Variants in ABCA3 observed in about 807,000 individuals in gnomAD.
ABCA3 encodes the protein phospholipid-transporting ATPase ABCA3.
Under a neutral mutation model 172.8 loss-of-function variants are expected in ABCA3, and 88 were observed. That is an observed-to-expected ratio of 0.51 (90% CI 0.43 to 0.61). The LOEUF is 0.61. ABCA3 is among the 20% of genes least tolerant of loss of function. The probability of loss-of-function intolerance (pLI) is 0.00; values close to 1 mark genes in which losing one functional copy is unlikely to be tolerated. For synonymous variants in ABCA3, 1,066 were observed against 983.8 expected (o/e 1.08, Z -1.56); for missense variants, 2,164 against 2,301.0 (o/e 0.94, Z 1.22).
At chr16:2,318,827 C>A (rs1414569219) in intron 8 of ABCA3, among the ~76,000 whole-genome samples, 5 of 152,090 alleles carry the variant, frequency 3.3e-5, no homozygotes, top group Non-Finnish European at 7.4e-5. Flanking sequence ...CTTTCTTATG[C>A]ATAATTTCTG....
intron 10 of ABCA3, among the ~76,000 whole-genome samples, chr16:2,313,059 CA>C (rs1391585469): frequency 2.0e-5 from 3 of 151,128 alleles, no homozygotes; most frequent in Non-Finnish European, 4.4e-5. Flanking sequence ...TGTCTCAAAA[CA>C]AAAAAAATTT....
intron 1 of ABCA3, among the ~76,000 whole-genome samples, chr16:2,333,302 C>G (rs539916522): frequency 8.8e-4 from 134 of 152,256 alleles, no homozygotes; most frequent in African/African-American, 3.1e-3. Flanking sequence ...TCCACAAAGG[C>G]ATAGAGAAAT....
intron 12 of ABCA3, among the ~76,000 whole-genome samples, chr16:2,303,088 C>G (rs148073712): frequency 1.3e-5 from 2 of 152,014 alleles, no homozygotes; most frequent in African/African-American, 4.8e-5. Context: ...GGTGAGCCAC[C>G]ACACCCGGCC....
intron 19 of ABCA3, among the ~76,000 whole-genome samples, chr16:2,291,297 G>T (rs2093671584): frequency 6.6e-6 from 1 of 152,078 alleles, no homozygotes. Flanking sequence ...CTGCACTCCA[G>T]CCTGGGAGAC....
In ABCA3 at chr16:2,276,760, C is replaced by T. The variant is rs778684603; in HGVS notation, c.5029G>A (p.Asp1677Asn). 14 of 1,613,854 alleles carry T rather than the reference C, an allele frequency of 8.7e-6. No homozygotes were observed. Among genetic ancestry groups the T allele is most frequent in the African/African-American group, 6.7e-5 (5 of 74,924 alleles). ...AGCGAGATCTGGCTCACGGAGTAGT[C>T]GTCCACGCCGTACTTTTCCTTGGCT... ...EKAKEKYGVD[D>N]YSVSQISLEQ... The change falls in exon 33 of 33, where the codon GAC (aspartate) becomes AAC (asparagine). Residue 1677 changes from aspartate to asparagine, a missense_variant. Physicochemically the swap from Asp to Asn is conservative, Grantham distance 23. Around this residue, in one of 3 missense-constraint regions of ABCA3, gnomAD observed 795 missense variants for 881.9 expected, o/e 0.90. Coordinates refer to ENST00000301732, the MANE Select transcript of ABCA3 (RefSeq NM_001089.3).
intron 5 of ABCA3, 69 bp downstream of exon 5, chr16:2,325,941 C>T (rs548879713): frequency 1.5e-5 from 24 of 1,602,468 alleles, no homozygotes; most frequent in South Asian, 4.4e-5. Context: ...ATCCTGGGCT[C>T]GACCCCTGCC....
In ABCA3 at chr16:2,278,161, A is replaced by G; in HGVS notation, c.4719-92T>C. 6.3e-7 allele frequency: 1 copy of G among 1,598,628 alleles called. No homozygotes were observed. The highest frequency in any genetic ancestry group is 2.2e-5 in the East Asian group (1 of 44,716). On this transcript the variant is annotated intron_variant, in intron 30 of 32. Transcript: ENST00000301732. The surrounding 1 kb of genome is among the most constrained non-coding windows in gnomAD (Gnocchi z 4.4). ...TGGCTCTCCGATCAGGCTGTTCCTGATACCCATGCTCAGTGTGGCTCACGG... is the reference window on the plus strand; with the variant it reads ...TGGCTCTCCGATCAGGCTGTTCCTGGTACCCATGCTCAGTGTGGCTCACGG...
At chr16:2,323,734 G>A (rs1484594534) in intron 6 of ABCA3, 46 bp from the exon 7 acceptor site, 1 of 1,612,180 alleles carries the variant, frequency 6.2e-7, no homozygotes, top group Non-Finnish European at 8.5e-7. Context: ...GATCCAGACA[G>A]AGGGGCAAAC....
chr16:2,324,466 C>A lies in ABCA3; in HGVS notation c.385G>T (p.Val129Leu). Reference protein sequence around the residue: ...YIRYDNCSSSVLAAVVFEHPF... With the variant: ...YIRYDNCSSSLLAAVVFEHPF... ...TGCTCGAAGACCACGGCGGCCAGCA[C>A]GCTGGACGAGCAGTTGTCGTACCTA... The change falls in exon 6 of 33, where the codon GTG becomes TTG. Residue 129 changes from valine (V) to leucine (L), a missense_variant. This residue lies in a region of ABCA3 where 1,343 missense variants were observed against 1,369.6 expected (regional missense o/e 0.98). Coordinates refer to ENST00000301732, the MANE Select transcript of ABCA3 (RefSeq NM_001089.3). 1 of 1,610,106 alleles carries A rather than the reference C, an allele frequency of 6.2e-7. No homozygotes were observed. Among genetic ancestry groups the A allele is most frequent in the Non-Finnish European group, 8.5e-7 (1 of 1,179,876 alleles).
At position 2,284,455 on chromosome 16, in the gene ABCA3, G is replaced by T. The variant is rs374326090; in HGVS notation, c.3704-18C>A. The T allele has an allele frequency of 7.4e-6, 12 of 1,613,324 alleles. No individual in the cohort carries two copies. The African/African-American group carries it at 1.6e-4, about 22-fold the overall frequency. On this transcript the variant is annotated intron_variant, in intron 24 of 32. Transcript: ENST00000301732. This position sits in a 1 kb window ranked among gnomAD's most constrained non-coding sequence, Gnocchi z 5.9. Reference sequence around the variant, plus strand: ...TTTTACAGCTGCGTTGGGGAGGTAAGATCAGTCTGCGCTGGAGGGCACACC... The same window carrying T: ...TTTTACAGCTGCGTTGGGGAGGTAATATCAGTCTGCGCTGGAGGGCACACC...
At chr16:2,333,034 T>C (rs2093745964) in intron 1 of ABCA3, among the ~76,000 whole-genome samples, 1 of 152,206 alleles carries the variant, frequency 6.6e-6, no homozygotes, top group African/African-American at 2.4e-5. Flanking sequence ...CTGAAACTCC[T>C]GGCCTGAAAC....
rs570471095 is a variant in ABCA3, at chr16:2,305,122, CTTTA to C, written c.1286-976_1286-973del. ...GCCACTGCACCCGGCCAGTATAAGTCTTTATTTGTTTATTATTTTTTATTTTTTT... is the reference window on the plus strand; with the variant it reads ...GCCACTGCACCCGGCCAGTATAAGTCTTTGTTTATTATTTTTTATTTTTTT... On this transcript the variant is annotated intron_variant, in intron 11 of 32. Coordinates refer to ENST00000301732, the MANE Select transcript of ABCA3 (RefSeq NM_001089.3). 2.9e-4 allele frequency among the ~76,000 whole-genome samples: 44 copies of C among 151,162 alleles called. No individual in the cohort carries two copies. The East Asian group carries it at 8.2e-3, about 28-fold the overall frequency.
intron 32 of ABCA3, 131 bp from the exon 33 acceptor site, chr16:2,276,936 G>A: frequency 2.2e-6 from 3 of 1,360,138 alleles, no homozygotes; most frequent in Non-Finnish European, 3.1e-6. Flanking sequence ...CCACCCCAGA[G>A]CCCCAGAGAG....
chr16:2,297,360 G>A lies in ABCA3; in HGVS notation c.2232C>T (p.Cys744=), dbSNP rs140823257. ...AIMAKGELQC[C]GSSLFLKQKY... ...TCTGCTTGAGGAACAGCGAGGACCC[G>A]CAGCACTGCAGCTCCCCCTTGGCCA... Residue 744 remains cysteine, a synonymous_variant, in exon 17 of 33, where the codon TGC becomes TGT. Transcript: ENST00000301732. This position sits in a 1 kb window ranked among gnomAD's most constrained non-coding sequence, Gnocchi z 5.6. The A allele has an allele frequency of 1.8e-5, 29 of 1,612,454 alleles. No homozygotes were observed. The highest frequency in any genetic ancestry group is 1.5e-4 in the African/African-American group (11 of 74,802).
chr16:2,310,436 AAAC>A (rs1567348540), intron 10 of ABCA3, among the ~76,000 whole-genome samples: 3 of 151,736 alleles, frequency 2.0e-5, no homozygotes, highest in African/African-American at 7.3e-5. Flanking sequence ...AAAAACAAAC[AAAC>A]AAACAAAACA....
At chr16:2,290,623 T>G (rs548887997) in intron 19 of ABCA3, among the ~76,000 whole-genome samples, 1 of 152,220 alleles carries the variant, frequency 6.6e-6, no homozygotes, top group African/African-American at 2.4e-5. Context: ...GCTTCCTTCC[T>G]TCCTTCAACC....
intron 8 of ABCA3, among the ~76,000 whole-genome samples, chr16:2,319,005 T>C (rs1342934254): frequency 6.6e-6 from 1 of 151,986 alleles, no homozygotes; most frequent in Admixed American, 6.6e-5. Flanking sequence ...ACTCCCTCAA[T>C]GCTGCATAGT....
chr16:2,330,670 C>T (rs186222162), intron 1 of ABCA3, among the ~76,000 whole-genome samples: 119 of 149,396 alleles, frequency 8.0e-4, no homozygotes, highest in Middle Eastern at 3.5e-3. Context: ...ACCTCCTCAT[C>T]CTCTCCTGGC....
At position 2,275,990 on chromosome 16, in the gene ABCA3, T is replaced by G. The variant is rs1442005279; in HGVS notation, c.*684A>C. On this transcript the variant is annotated 3_prime_UTR_variant, in exon 33 of 33. Transcript: ENST00000301732. ...CCTGCGTGTCCTGGGGCGGGCGACTTCCTGAGGGTGCAGTGCTGGAAACAG... is the reference window on the plus strand; with the variant it reads ...CCTGCGTGTCCTGGGGCGGGCGACTGCCTGAGGGTGCAGTGCTGGAAACAG... 4.3e-6 allele frequency: 1 copy of G among 230,574 alleles called. No homozygotes were observed. The highest frequency in any genetic ancestry group is 5.2e-5 in the South Asian group (1 of 19,362). 14.3% of individuals were successfully genotyped at this position (230,574 alleles called of 1,614,324 possible).
Sources: gnomAD v4.1 joint callset for allele counts (sites outside exome capture counted in the v4.1 genomes callset) on GRCh38, gnomAD v4.1.1 for gene constraint, gnomAD v4.1.1 regional missense constraint, Gnocchi (gnomAD v3.1) non-coding constraint, MANE v1.5 for transcripts, NCBI Gene and HGNC (gene_info 2026-07-23, HGNC 2026-07-21) for gene names.